The following BTBD9 variants were observed in gnomAD, a reference collection of about 807,000 sequenced individuals.
The protein encoded by BTBD9 is BTB/POZ domain-containing protein 9.
BTBD9 carries 49 observed loss-of-function variants against 64.3 expected under a neutral mutation model. That is an observed-to-expected ratio of 0.76 (90% CI 0.61 to 0.97). The LOEUF (loss-of-function observed/expected upper bound fraction) is 0.97. BTBD9 is among the 50% of genes least tolerant of loss of function. The pLI, the probability that BTBD9 is intolerant of heterozygous loss-of-function variation, is 0.00. For synonymous variants in BTBD9, 260 were observed against 274.7 expected, an observed-to-expected ratio of 0.95 and a Z score of 0.53; for missense variants, 598 against 762.1, an observed-to-expected ratio of 0.78 and a Z score of 2.53.
chr6:38,262,289 G>A (rs1764819633), intron 8 of BTBD9, among the ~76,000 whole-genome samples: 1 of 152,216 alleles, frequency 6.6e-6, no homozygotes, highest in Non-Finnish European at 1.5e-5. Flanking sequence ...AAAAGGGGCT[G>A]AATAAAGGAA....
chr6:38,423,173 G>A (rs997253975), intron 6 of BTBD9, among the ~76,000 whole-genome samples: 1 of 152,088 alleles, frequency 6.6e-6, no homozygotes, highest in Non-Finnish European at 1.5e-5. Flanking sequence ...GCTGAGACAC[G>A]AGAATCGCTT....
intron 8 of BTBD9, among the ~76,000 whole-genome samples, chr6:38,277,689 T>G (rs1221326092): frequency 6.6e-6 from 1 of 152,182 alleles, no homozygotes; most frequent in African/African-American, 2.4e-5. Flanking sequence ...ATCATAGTAC[T>G]GTTTTAGATA....
chr6:38,200,949 G>A (rs1167584270), intron 9 of BTBD9, among the ~76,000 whole-genome samples: 1 of 152,092 alleles, frequency 6.6e-6, no homozygotes, highest in African/African-American at 2.4e-5. Context: ...GAGTCTGGGA[G>A]TTTGCGATTG....
In BTBD9 at chr6:38,290,100, G is replaced by T. The variant is rs867503845; in HGVS notation, c.1265-1639C>A. Among the ~76,000 whole-genome samples the T allele has an allele frequency of 5.3e-5, 8 of 149,970 alleles. No individual in the cohort carries two copies. In the Admixed American group the frequency reaches 5.4e-4, roughly 10 times the overall value. On this transcript the variant is annotated intron_variant, in intron 7 of 10. Transcript: ENST00000481247. Reference sequence around the variant, plus strand: ...ATGCTTGTACTTAAGCCCTCATCTCGTATGCCTTCACTAATTGCTTTGCTC... The same window carrying T: ...ATGCTTGTACTTAAGCCCTCATCTCTTATGCCTTCACTAATTGCTTTGCTC...
intron 7 of BTBD9, among the ~76,000 whole-genome samples, chr6:38,325,954 A>G (rs1763410105): frequency 1.3e-5 from 2 of 152,172 alleles, no homozygotes; most frequent in Admixed American, 1.3e-4. Context: ...AGGCTCTTCT[A>G]TTATCGAACC....
At chr6:38,253,092 C>T (rs1049456258) in intron 9 of BTBD9, among the ~76,000 whole-genome samples, 50 of 151,958 alleles carry the variant, frequency 3.3e-4, no homozygotes, top group Non-Finnish European at 4.1e-4. Context: ...CCAGCCTGAG[C>T]GACAGAGTGA....
intron 6 of BTBD9, chr6:38,504,620 TA>T: frequency 2.2e-6 from 1 of 455,472 alleles, no homozygotes; most frequent in South Asian, 1.6e-5. Context: ...CAATATAGTT[TA>T]AAATTATATA....
chr6:38,500,229 G>T (rs1772134977), intron 6 of BTBD9, among the ~76,000 whole-genome samples: 1 of 151,720 alleles, frequency 6.6e-6, no homozygotes, highest in East Asian at 1.9e-4. Context: ...ACATATTGGG[G>T]GATGGAGGGG....
intron 6 of BTBD9, among the ~76,000 whole-genome samples, chr6:38,349,928 C>A (rs540618115): frequency 1.3e-5 from 2 of 152,288 alleles, no homozygotes; most frequent in Admixed American, 6.5e-5. Flanking sequence ...AAAAAATGTT[C>A]TTGACCTGTC....
At chr6:38,581,776 C>A (rs1004714295) in intron 4 of BTBD9, among the ~76,000 whole-genome samples, 1 of 152,198 alleles carries the variant, frequency 6.6e-6, no homozygotes, top group African/African-American at 2.4e-5. Context: ...CATATCTATC[C>A]CCCAGGTGTT....
intron 1 of BTBD9, among the ~76,000 whole-genome samples, chr6:38,608,730 G>C (rs1017411691): frequency 1.9e-4 from 29 of 152,098 alleles, no homozygotes; most frequent in Admixed American, 9.2e-4. Context: ...AATAAAAAAA[G>C]ATCAACTCTG....
intron 9 of BTBD9, among the ~76,000 whole-genome samples, chr6:38,230,220 C>T (rs1288867568): frequency 3.9e-5 from 6 of 152,158 alleles, no homozygotes; most frequent in South Asian, 2.1e-4. Flanking sequence ...AGGAGCTGGG[C>T]GCGGTGGCTC....
At chr6:38,342,751 G>A (rs1255369945) in intron 7 of BTBD9, among the ~76,000 whole-genome samples, 7 of 152,096 alleles carry the variant, frequency 4.6e-5, no homozygotes, top group Admixed American at 6.5e-5. Flanking sequence ...CTGTACCCCC[G>A]TAGAGGACCT....
chr6:38,311,801 G>A (rs1762845448), intron 7 of BTBD9, among the ~76,000 whole-genome samples: 1 of 152,256 alleles, frequency 6.6e-6, no homozygotes, highest in South Asian at 2.1e-4. Flanking sequence ...ATATCCCATT[G>A]TAGTTTTGGT....
At chr6:38,602,974 T>A (rs1777310282) in intron 1 of BTBD9, among the ~76,000 whole-genome samples, 1 of 152,102 alleles carries the variant, frequency 6.6e-6, no homozygotes, top group South Asian at 2.1e-4. Flanking sequence ...AGAGTTTCAG[T>A]CTGACTTTTT....
At chr6:38,269,097 A>T (rs1765115938) in intron 8 of BTBD9, among the ~76,000 whole-genome samples, 2 of 152,234 alleles carry the variant, frequency 1.3e-5, no homozygotes. Flanking sequence ...AAACACTTAG[A>T]ATAAGTACAT....
intron 6 of BTBD9, among the ~76,000 whole-genome samples, chr6:38,498,659 C>T (rs1392708533): frequency 2.6e-5 from 4 of 151,960 alleles, no homozygotes; most frequent in Admixed American, 1.3e-4. Flanking sequence ...TGGTGAGCAC[C>T]ACTATTTCTA....
chr6:38,298,049 G>T (rs1405930543), intron 7 of BTBD9, among the ~76,000 whole-genome samples: 1 of 151,374 alleles, frequency 6.6e-6, no homozygotes, highest in African/African-American at 2.4e-5. Context: ...TACAGACGGG[G>T]TTTCACCATG....
chr6:38,490,803 T>C (rs1771671631), intron 6 of BTBD9, among the ~76,000 whole-genome samples: 1 of 152,178 alleles, frequency 6.6e-6, no homozygotes, highest in Non-Finnish European at 1.5e-5. Flanking sequence ...TTTTGACATG[T>C]GGCTTATAGA....
Sources: allele counts gnomAD v4.1 joint callset (sites outside exome capture counted in the v4.1 genomes callset), GRCh38; gene constraint gnomAD v4.1.1; transcripts MANE v1.5; gene names NCBI Gene and HGNC (gene_info 2026-07-23, HGNC 2026-07-21).